Variants in UMAD1 observed in about 807,000 individuals in gnomAD.
The protein encoded by UMAD1 is UBAP1-MVB12-associated (UMA)-domain containing protein 1.
A neutral mutation model predicts 6.1 loss-of-function variants in UMAD1; 8 were observed. The ratio of observed to expected loss-of-function variants is 1.30; its 90% CI spans 0.76 to 2.35. UMAD1 has a LOEUF of 2.35. Among genes scored for constraint, UMAD1 ranks in the 30% most tolerant of loss-of-function variants. The pLI, the probability that UMAD1 is intolerant of heterozygous loss-of-function variation, is 0.00. For missense variants in UMAD1, 130 were observed against 78.4 expected, an observed-to-expected ratio of 1.66 and a Z score of -2.49; for synonymous variants, 56 against 31.4, an observed-to-expected ratio of 1.78 and a Z score of -2.61.
intron 2 of UMAD1, among the ~76,000 whole-genome samples, chr7:7,732,791 A>T (rs1781281975): frequency 6.6e-6 from 1 of 152,210 alleles, no homozygotes; most frequent in Non-Finnish European, 1.5e-5. Flanking sequence ...CAAGGATTTC[A>T]TAAACACCCT....
intron 1 of UMAD1, among the ~76,000 whole-genome samples, chr7:7,669,831 T>G (rs967381530): frequency 6.6e-6 from 1 of 152,204 alleles, no homozygotes; most frequent in African/African-American, 2.4e-5. Context: ...CATTCTCAGT[T>G]CTTTTCTATA....
chr7:7,808,153 C>T (rs529354960), intron 3 of UMAD1, among the ~76,000 whole-genome samples: 1 of 151,900 alleles, frequency 6.6e-6, no homozygotes. Context: ...GGAAGAGTTA[C>T]AATTCAACCT....
intron 1 of UMAD1, among the ~76,000 whole-genome samples, chr7:7,672,416 C>T (rs1325009580): frequency 6.6e-6 from 1 of 152,098 alleles, no homozygotes; most frequent in Non-Finnish European, 1.5e-5. Context: ...ATAATCTCAC[C>T]AACGCAAGGA....
intron 1 of UMAD1, among the ~76,000 whole-genome samples, chr7:7,664,283 C>T (rs1779378493): frequency 6.6e-6 from 1 of 152,092 alleles, no homozygotes; most frequent in South Asian, 2.1e-4. Flanking sequence ...CAAACTTCAC[C>T]CATCTTAATC....
At chr7:7,684,519 A>G (rs28915974) in intron 2 of UMAD1, among the ~76,000 whole-genome samples, 4,254 of 151,534 alleles carry the variant, frequency 0.028, 103 homozygotes, top group East Asian at 0.095. Flanking sequence ...ACCACAAGCA[A>G]TTTTTTTTTC....
chr7:7,712,687 T>C (rs1780796596), intron 2 of UMAD1, among the ~76,000 whole-genome samples: 1 of 152,230 alleles, frequency 6.6e-6, no homozygotes, highest in Admixed American at 6.5e-5. Flanking sequence ...TCTTACTGCA[T>C]GGTCTAGGAC....
intron 2 of UMAD1, among the ~76,000 whole-genome samples, chr7:7,795,143 C>T (rs1257293503): frequency 1.3e-5 from 2 of 152,202 alleles, no homozygotes; most frequent in Admixed American, 6.5e-5. Flanking sequence ...ATTTCTTTCT[C>T]TCTAAAATAT....
At chr7:7,704,294 A>C (rs932681162) in intron 2 of UMAD1, among the ~76,000 whole-genome samples, 4 of 152,120 alleles carry the variant, frequency 2.6e-5, no homozygotes, top group African/African-American at 9.7e-5. Context: ...TAAATATGTA[A>C]AACAGTTAAC....
chr7:7,791,113 C>G (rs1782560309), intron 2 of UMAD1, among the ~76,000 whole-genome samples: 1 of 152,210 alleles, frequency 6.6e-6, no homozygotes, highest in Non-Finnish European at 1.5e-5. Flanking sequence ...GTCTCGAACT[C>G]CCCACCTCAG....
intron 2 of UMAD1, among the ~76,000 whole-genome samples, chr7:7,727,021 C>G (rs756861683): frequency 1.1e-4 from 17 of 152,178 alleles, no homozygotes; most frequent in Non-Finnish European, 1.6e-4. Context: ...CTACAAATGG[C>G]CAAGACCCTT....
intron 2 of UMAD1, among the ~76,000 whole-genome samples, chr7:7,747,607 T>C (rs901426192): frequency 6.6e-6 from 1 of 152,200 alleles, no homozygotes; most frequent in African/African-American, 2.4e-5. Context: ...TTTTAGGCAA[T>C]TGAAACTGCC....
At chr7:7,736,109 C>A (rs988389152) in intron 2 of UMAD1, 2 of 152,262 alleles carry the variant, frequency 1.3e-5, no homozygotes, top group African/African-American at 2.4e-5. Context: ...CCAATGTCTT[C>A]AACACATTCT....
intron 3 of UMAD1, among the ~76,000 whole-genome samples, chr7:7,865,805 AAGGGGACTTTGGAGTAGATG>A (rs1414812365): frequency 6.6e-6 from 1 of 152,178 alleles, no homozygotes; most frequent in African/African-American, 2.4e-5. Flanking sequence ...CAGGTTGGTT[AAGGGGACTTTGGAGTAGATG>A]AGGGGACTTT....
chr7:7,681,597 C>T (rs1454209605), intron 2 of UMAD1, among the ~76,000 whole-genome samples: 1 of 152,118 alleles, frequency 6.6e-6, no homozygotes, highest in East Asian at 1.9e-4. Context: ...GCTATTCCTT[C>T]ATTCAGTAAT....
intron 1 of UMAD1, among the ~76,000 whole-genome samples, chr7:7,661,009 GT>G (rs140344078): frequency 0.87 from 130,916 of 150,688 alleles, 57,047 homozygotes; most frequent in African/African-American, 0.96. Context: ...CCTTTTGATT[GT>G]TTTTTTTTTG....
rs1204598381 is a variant in UMAD1 at position 7,867,330 on chromosome 7, G to A, written c.157-9951G>A. Reference sequence around the variant, plus strand: ...ACATATTACTTTTGGGGGAGTGGAAGAGTGGAGCAGTAGGCATGCTCCATA... The same window carrying A: ...ACATATTACTTTTGGGGGAGTGGAAAAGTGGAGCAGTAGGCATGCTCCATA... On this transcript the variant is annotated intron_variant, in intron 3 of 3. Coordinates refer to ENST00000682710, the MANE Select transcript of UMAD1 (RefSeq NM_001302348.2). Among the ~76,000 whole-genome samples the A allele has an allele frequency of 2.6e-5, 4 of 152,156 alleles. No individual in the cohort carries two copies. The East Asian group carries it at 7.7e-4, about 29-fold the overall frequency.
chr7:7,836,246 A>C lies in UMAD1; in HGVS notation c.156+34503A>C, dbSNP rs571226970. ...AAACGTGTTTACATATTACTTTATA[A>C]ATGTCTTCAGTATATTCTTAAGCTC... On this transcript the variant is annotated intron_variant, in intron 3 of 3. Transcript: ENST00000682710. 7.9e-5 allele frequency among the ~76,000 whole-genome samples: 12 copies of C among 152,014 alleles called. No homozygotes were observed. In the South Asian group the frequency reaches 1.9e-3, roughly 24 times the overall value.
At chr7:7,730,896 G>T (rs531146773) in intron 2 of UMAD1, among the ~76,000 whole-genome samples, 1 of 152,192 alleles carries the variant, frequency 6.6e-6, no homozygotes, top group East Asian at 1.9e-4. Flanking sequence ...GGCGGGAATG[G>T]TGGTGGGGCT....
At chr7:7,780,383 A>G (rs1563200181) in intron 2 of UMAD1, among the ~76,000 whole-genome samples, 1 of 152,164 alleles carries the variant, frequency 6.6e-6, no homozygotes, top group African/African-American at 2.4e-5. Flanking sequence ...TCTTTTATTT[A>G]CAAAACTGGA....
Sources: allele counts gnomAD v4.1 joint callset (sites outside exome capture counted in the v4.1 genomes callset), GRCh38; gene constraint gnomAD v4.1.1; transcripts MANE v1.5; gene names NCBI Gene and HGNC (gene_info 2026-07-23, HGNC 2026-07-21).